The following TPTE2 variants were observed in gnomAD, a reference collection of about 807,000 sequenced individuals.
TPTE2 encodes the protein phosphatidylinositol 3,4,5-trisphosphate 3-phosphatase TPTE2.
In TPTE2, 53 loss-of-function variants were observed where a neutral mutation model predicts 78.6. The ratio of observed to expected loss-of-function variants is 0.67; its 90% CI spans 0.54 to 0.85. The LOEUF (loss-of-function observed/expected upper bound fraction) is 0.85, where lower values mean the gene tolerates loss of function less well. Ranked by LOEUF, TPTE2 falls within the 40% of genes least tolerant of loss-of-function variation. The probability of loss-of-function intolerance (pLI) is 0.00; values close to 1 mark genes in which losing one functional copy is unlikely to be tolerated. For missense variants in TPTE2, 461 were observed against 623.0 expected, an observed-to-expected ratio of 0.74 and a Z score of 2.77; for synonymous variants, 175 against 206.2, an observed-to-expected ratio of 0.85 and a Z score of 1.30.
chr13:19,431,474 A>G (rs1876597917), intron 16 of TPTE2, among the ~76,000 whole-genome samples: 1 of 152,124 alleles, frequency 6.6e-6, no homozygotes. Flanking sequence ...TCAATTCTAC[A>G]TTAATTTTAA....
At chr13:19,558,566 T>C in the TPTE2 span, among the ~76,000 whole-genome samples, 1 of 152,242 alleles carries the variant, frequency 6.6e-6, no homozygotes, top group East Asian at 1.9e-4. Context: ...TTGCTAGTTT[T>C]GGTCAGGTTT....
intron 15 of TPTE2, among the ~76,000 whole-genome samples, chr13:19,433,100 T>G (rs914337292): frequency 5.9e-5 from 9 of 152,184 alleles, no homozygotes; most frequent in Non-Finnish European, 1.2e-4. Context: ...AAGGAGGCCC[T>G]GGAATTCTCT....
At chr13:19,484,425 G>A (rs1339682088) in intron 3 of TPTE2, among the ~76,000 whole-genome samples, 1 of 152,200 alleles carries the variant, frequency 6.6e-6, no homozygotes, top group African/African-American at 2.4e-5. Context: ...TGAAAAGAAT[G>A]TGTATTCTGC....
intron 13 of TPTE2, among the ~76,000 whole-genome samples, chr13:19,439,523 A>G (rs149055767): frequency 6.0e-4 from 91 of 152,230 alleles, no homozygotes; most frequent in Non-Finnish European, 1.1e-3. Context: ...CCAGATAAGA[A>G]GGACCCATGC....
intron 10 of TPTE2, among the ~76,000 whole-genome samples, chr13:19,451,583 A>T (rs1878183889): frequency 6.6e-6 from 1 of 152,172 alleles, no homozygotes; most frequent in African/African-American, 2.4e-5. Context: ...TTCTTATTTC[A>T]ATTTAATTCT....
At chr13:19,468,487 A>C (rs1307751589) in intron 6 of TPTE2, among the ~76,000 whole-genome samples, 1 of 152,200 alleles carries the variant, frequency 6.6e-6, no homozygotes, top group African/African-American at 2.4e-5. Flanking sequence ...GGGAATGCAG[A>C]TATCTCTTCT....
chr13:19,495,047 AT>A (rs1881224032), intron 1 of TPTE2, among the ~76,000 whole-genome samples: 1 of 152,210 alleles, frequency 6.6e-6, no homozygotes, highest in African/African-American at 2.4e-5. Context: ...GTGTAACAGC[AT>A]TTTTGGAGAG....
intron 3 of TPTE2, among the ~76,000 whole-genome samples, chr13:19,488,319 G>A (rs1404012765): frequency 6.6e-6 from 1 of 152,162 alleles, no homozygotes; most frequent in Admixed American, 6.5e-5. Context: ...AGCTTCATTA[G>A]CCCCTAACAA....
At chr13:19,522,466 A>G (rs1016005173) in intron 1 of TPTE2, among the ~76,000 whole-genome samples, 1 of 152,210 alleles carries the variant, frequency 6.6e-6, no homozygotes, top group Non-Finnish European at 1.5e-5. Context: ...AGTTACAGCT[A>G]CAGTGCATGA....
chr13:19,504,395 G>T (rs548970839), upstream of TPTE2, among the ~76,000 whole-genome samples: 1 of 152,124 alleles, frequency 6.6e-6, no homozygotes, highest in Non-Finnish European at 1.5e-5. Context: ...TCAAGAAACT[G>T]CCCCATACAA....
At chr13:19,423,841 C>T (rs772848138) in intron 19 of TPTE2, among the ~76,000 whole-genome samples, 3 of 152,266 alleles carry the variant, frequency 2.0e-5, no homozygotes, top group East Asian at 3.9e-4. Flanking sequence ...AGGAAAAAAA[C>T]GGTATCCTTT....
intron 9 of TPTE2, among the ~76,000 whole-genome samples, chr13:19,464,796 T>C (rs1245681127): frequency 6.6e-6 from 1 of 152,240 alleles, no homozygotes; most frequent in African/African-American, 2.4e-5. Flanking sequence ...CCCCTGTTCT[T>C]AGAATTTATT....
At chr13:19,427,086 T>TTC (rs1177309899) in intron 17 of TPTE2, among the ~76,000 whole-genome samples, 19 of 125,812 alleles carry the variant, frequency 1.5e-4, no homozygotes, top group Non-Finnish European at 2.7e-4. Context: ...TTTCTTTTTT[T>TTC]TTTTTTTTTT....
the TPTE2 span, among the ~76,000 whole-genome samples, chr13:19,553,816 G>A: frequency 1.3e-5 from 2 of 152,328 alleles, no homozygotes; most frequent in East Asian, 3.9e-4. Flanking sequence ...AAGGACACAA[G>A]GAAACTTTGG....
upstream of TPTE2, among the ~76,000 whole-genome samples, chr13:19,507,314 A>AC (rs1276387026): frequency 1.7e-4 from 26 of 151,448 alleles, no homozygotes; most frequent in African/African-American, 6.1e-4. Flanking sequence ...TAAAAAAAAA[A>AC]AAAAAAAAAA....
intron 17 of TPTE2, among the ~76,000 whole-genome samples, chr13:19,428,618 C>CA (rs1300523561): frequency 6.6e-6 from 1 of 150,724 alleles, no homozygotes; most frequent in African/African-American, 2.4e-5. Context: ...CCAGGCTCTA[C>CA]AAAAAATAAA....
At chr13:19,512,805 C>T (rs181345610) in intron 1 of TPTE2, among the ~76,000 whole-genome samples, 151 of 152,252 alleles carry the variant, frequency 9.9e-4, no homozygotes, top group African/African-American at 3.5e-3. Flanking sequence ...TCTTGAACTC[C>T]TGACCTCGTG....
chr13:19,525,381 G>T (rs903753122), intron 1 of TPTE2, among the ~76,000 whole-genome samples: 1 of 152,116 alleles, frequency 6.6e-6, no homozygotes, highest in Non-Finnish European at 1.5e-5. Context: ...AGAGAACCCA[G>T]AAATAAAGCT....
the TPTE2 span, chr13:19,560,888 G>C: frequency 6.3e-7 from 1 of 1,576,002 alleles, no homozygotes; most frequent in Non-Finnish European, 8.6e-7. Flanking sequence ...TCTCCGCTTG[G>C]TGATCTCACA....
Sources: gnomAD v4.1 joint callset for allele counts (sites outside exome capture counted in the v4.1 genomes callset) on GRCh38, gnomAD v4.1.1 for gene constraint, MANE v1.5 for transcripts, NCBI Gene and HGNC (gene_info 2026-07-23, HGNC 2026-07-21) for gene names.